Variants in FILIP1 observed in about 807,000 individuals in gnomAD.
FILIP1 encodes filamin A interacting protein 1.
A neutral mutation model predicts 102.1 loss-of-function variants in FILIP1; 61 were observed. The observed-to-expected ratio is 0.60, with a 90% CI of 0.49 to 0.74. FILIP1 has a LOEUF of 0.74. FILIP1 is among the 30% of genes least tolerant of loss of function. FILIP1 has a pLI of 0.00. For synonymous variants in FILIP1, 491 were observed against 526.9 expected, an observed-to-expected ratio of 0.93 and a Z score of 0.93; for missense variants, 1,314 against 1,441.2, an observed-to-expected ratio of 0.91 and a Z score of 1.43.
At chr6:75,422,351 C>T (rs1777495821) in intron 1 of FILIP1, among the ~76,000 whole-genome samples, 1 of 152,026 alleles carries the variant, frequency 6.6e-6, no homozygotes, top group African/African-American at 2.4e-5. Flanking sequence ...TTTACCTTTA[C>T]TTTTTCTACT....
chr6:75,364,617 G>A (rs1775269668), intron 2 of FILIP1, among the ~76,000 whole-genome samples: 1 of 152,110 alleles, frequency 6.6e-6, no homozygotes, highest in Admixed American at 6.5e-5. Context: ...AGTCATTTGA[G>A]GAACTCTAAA....
intron 6 of FILIP1, chr6:75,295,956 A>G: frequency 7.0e-7 from 1 of 1,438,490 alleles, no homozygotes. Context: ...GCTTTCTATA[A>G]AGAGAAAAAA....
chr6:75,360,810 T>C (rs1775151173), intron 3 of FILIP1: 1 of 152,134 alleles, frequency 6.6e-6, no homozygotes, highest in Admixed American at 6.5e-5. Context: ...ACATTGCTTC[T>C]AGGAAACAAG....
In FILIP1 at chr6:75,387,019, G is replaced by A. The variant is rs537246631; in HGVS notation, c.277-24102C>T. 3.3e-5 allele frequency among the ~76,000 whole-genome samples: 5 copies of A among 151,244 alleles called. No individual in the cohort carries two copies. The East Asian group carries it at 9.7e-4, about 29-fold the overall frequency. On this transcript the variant is annotated intron_variant, in intron 2 of 5. Coordinates refer to ENST00000237172, the MANE Select transcript of FILIP1 (RefSeq NM_015687.5). Reference sequence around the variant, plus strand: ...CTATCCCTAATGCTATCCTCCCCTTGCCCCCCACCCACCAACAGGCCCCGG... The same window carrying A: ...CTATCCCTAATGCTATCCTCCCCTTACCCCCCACCCACCAACAGGCCCCGG...
In FILIP1 at chr6:75,312,520, G is replaced by A; in HGVS notation, c.3312C>T (p.Ser1104=). ...TGGGAGAGCGAAGGACAGTGCCGGTGGAAACCTCCTTTTCGGCTGTCACGT... is the reference window on the plus strand; with the variant it reads ...TGGGAGAGCGAAGGACAGTGCCGGTAGAAACCTCCTTTTCGGCTGTCACGT... ...PVNVTAEKEV[S]TGTVLRSPRN... is the part of the protein sequence containing the mutation. The change falls in exon 5 of 6, where the codon TCC becomes TCT. Residue 1104 remains serine (S), a synonymous_variant. Transcript: ENST00000237172. The A allele has an allele frequency of 6.2e-7, 1 of 1,614,122 alleles. No individual in the cohort carries two copies. The highest frequency in any genetic ancestry group is 8.5e-7 in the Non-Finnish European group (1 of 1,180,022).
rs781368387 is a variant in FILIP1, at chr6:75,435,788, A to G, written c.-6-20810T>C. ...TACTGAGGTGTTATCAAAGGTACCA[A>G]GGAAGAGAATCTCAGGAAGGTGCAC... On this transcript the variant is annotated intron_variant, in intron 1 of 5. Coordinates refer to ENST00000237172, the MANE Select transcript of FILIP1 (RefSeq NM_015687.5). Among the ~76,000 whole-genome samples, 3 of 152,186 alleles carry G rather than the reference A, an allele frequency of 2.0e-5. No homozygotes were observed. The East Asian group carries it at 5.8e-4, about 29-fold the overall frequency.
At chr6:75,464,010 G>A (rs1429476992) in intron 1 of FILIP1, among the ~76,000 whole-genome samples, 2 of 152,128 alleles carry the variant, frequency 1.3e-5, no homozygotes, top group African/African-American at 4.8e-5. Flanking sequence ...CTATCATGAT[G>A]TCTAAATATT....
At chr6:75,350,505 G>A (rs1014600589) in intron 4 of FILIP1, among the ~76,000 whole-genome samples, 4 of 151,748 alleles carry the variant, frequency 2.6e-5, no homozygotes, top group African/African-American at 7.3e-5. Context: ...CTATGAGAGA[G>A]GGGATTAAAA....
intron 4 of FILIP1, among the ~76,000 whole-genome samples, chr6:75,346,292 T>A (rs1451220232): frequency 6.6e-6 from 1 of 152,262 alleles, no homozygotes; most frequent in Non-Finnish European, 1.5e-5. Flanking sequence ...TAGAAATTTC[T>A]GTGAGTCAGA....
rs1337595421 is a variant in FILIP1 at position 75,308,917 on chromosome 6, T to C, written c.3436-20A>G. On this transcript the variant is annotated intron_variant, in intron 5 of 5. Coordinates refer to ENST00000237172, the MANE Select transcript of FILIP1 (RefSeq NM_015687.5). ...TCCTGACTGTAAGAGAGAAAATACGTAGATACAAGGGAGATGTTGGTGAGT... is the reference window on the plus strand; with the variant it reads ...TCCTGACTGTAAGAGAGAAAATACGCAGATACAAGGGAGATGTTGGTGAGT... 10 of 1,613,108 alleles carry C rather than the reference T, an allele frequency of 6.2e-6. No individual in the cohort carries two copies. Among genetic ancestry groups the C allele is most frequent in the Middle Eastern group, 1.7e-4 (1 of 6,052 alleles).
intron 1 of FILIP1, among the ~76,000 whole-genome samples, chr6:75,487,844 A>G (rs781370220): frequency 3.9e-5 from 6 of 152,132 alleles, no homozygotes; most frequent in Non-Finnish European, 7.4e-5. Flanking sequence ...TACAAGATCA[A>G]AAAAGGCTAT....
intron 2 of FILIP1, among the ~76,000 whole-genome samples, chr6:75,396,963 A>G (rs946016883): frequency 1.4e-5 from 2 of 146,460 alleles, no homozygotes; most frequent in Admixed American, 7.1e-5. Flanking sequence ...GGAATTGAGC[A>G]ACGAAAACAC....
At chr6:75,451,783 G>A (rs751889430) in intron 1 of FILIP1, among the ~76,000 whole-genome samples, 11 of 152,034 alleles carry the variant, frequency 7.2e-5, no homozygotes, top group Non-Finnish European at 1.3e-4. Flanking sequence ...CCAGTGAGCC[G>A]AGATTGAGCC....
intron 2 of FILIP1, among the ~76,000 whole-genome samples, chr6:75,372,152 G>A (rs1363570027): frequency 1.3e-5 from 2 of 152,088 alleles, no homozygotes; most frequent in African/African-American, 4.8e-5. Context: ...CACCTGAGGT[G>A]AGATCGGGAG....
At chr6:75,420,899 C>T (rs986898455) in intron 1 of FILIP1, among the ~76,000 whole-genome samples, 1 of 152,040 alleles carries the variant, frequency 6.6e-6, no homozygotes, top group African/African-American at 2.4e-5. Flanking sequence ...TTGATAGACA[C>T]CATTTGACGG....
intron 1 of FILIP1, among the ~76,000 whole-genome samples, chr6:75,426,122 C>T (rs186093953): frequency 3.7e-4 from 56 of 152,064 alleles, no homozygotes; most frequent in African/African-American, 1.3e-3. Context: ...CTTAGTTTGC[C>T]AACCCTGATC....
Position 75,362,924 on chromosome 6 carries a change from T to C in FILIP1, c.277-7A>G, listed in dbSNP as rs1775218409. 1 of 1,612,802 alleles carries C rather than the reference T, an allele frequency of 6.2e-7. No individual in the cohort carries two copies. The highest frequency in any genetic ancestry group is 1.1e-5 in the South Asian group (1 of 91,044). On this transcript the variant is annotated splice_region_variant and splice_polypyrimidine_tract_variant and intron_variant, in intron 2 of 5. Transcript: ENST00000237172. Reference sequence around the variant, plus strand: ...GGATCACATCTTCTCTGGCCTGTAATAGAAAGTGCAGCAAGATCAGACGAC... The same window carrying C: ...GGATCACATCTTCTCTGGCCTGTAACAGAAAGTGCAGCAAGATCAGACGAC...
In FILIP1 at chr6:75,353,721, A is replaced by C. The variant is rs1464898956; in HGVS notation, c.451-4T>G. On this transcript the variant is annotated splice_region_variant and splice_polypyrimidine_tract_variant and intron_variant, in intron 3 of 5. Coordinates refer to ENST00000237172, the MANE Select transcript of FILIP1 (RefSeq NM_015687.5). ...GTTTTTCCTCAAGTCTGTCCAGCTG[A>C]ATAAGCAAACATGGGAAAGGGCTTA... 1.9e-6 allele frequency: 3 copies of C among 1,612,216 alleles called. No homozygotes were observed. Among genetic ancestry groups the C allele is most frequent in the Non-Finnish European group, 1.7e-6 (2 of 1,179,850 alleles).
rs374265253 is a variant in FILIP1 at position 75,360,337 on chromosome 6, G to A, written c.450+2407C>T. On this transcript the variant is annotated intron_variant, in intron 3 of 5. Coordinates refer to ENST00000237172, the MANE Select transcript of FILIP1 (RefSeq NM_015687.5). Reference sequence around the variant, plus strand: ...TTTTTAAATTTATGAGTGTGAGGTTGTACTCTGATAATTGCATGTGTCCTA... The same window carrying A: ...TTTTTAAATTTATGAGTGTGAGGTTATACTCTGATAATTGCATGTGTCCTA... Among the ~76,000 whole-genome samples the A allele has an allele frequency of 2.0e-4, 31 of 152,294 alleles. No individual in the cohort carries two copies. In the South Asian group the frequency reaches 5.8e-3, roughly 28 times the overall value.
Sources: allele counts gnomAD v4.1 joint callset (sites outside exome capture counted in the v4.1 genomes callset), GRCh38; gene constraint gnomAD v4.1.1; transcripts MANE v1.5; gene names NCBI Gene and HGNC (gene_info 2026-07-23, HGNC 2026-07-21).